Variants in LHX5 observed in about 807,000 individuals in gnomAD.
LHX5 encodes the protein LIM/homeobox protein Lhx5.
LHX5 carries 5 observed loss-of-function variants against 30.6 expected under a neutral mutation model. The observed-to-expected ratio is 0.16, with a 90% CI of 0.09 to 0.34. The LOEUF (loss-of-function observed/expected upper bound fraction) is 0.34. LHX5 is among the 10% of genes least tolerant of loss of function. The pLI is 1.00. For synonymous variants in LHX5, 266 were observed against 252.6 expected, an observed-to-expected ratio of 1.05 and a Z score of -0.50; for missense variants, 458 against 570.6, an observed-to-expected ratio of 0.80 and a Z score of 2.01.
rs1325991462 is a variant in LHX5 at position 113,463,571 on chromosome 12, G to A, written c.842-14C>T. ...CGCCTTGGTAGTCTGCGGAGGGGGA[G>A]CGGGAAGGAGACAGGGCGCGGTGAG... On this transcript the variant is annotated splice_polypyrimidine_tract_variant and intron_variant, in intron 4 of 4. Coordinates refer to ENST00000261731, the MANE Select transcript of LHX5 (RefSeq NM_022363.3). The surrounding 1 kb of genome is among the most constrained non-coding windows in gnomAD (Gnocchi z 6.7). 1 of 1,510,516 alleles carries A rather than the reference G, an allele frequency of 6.6e-7. No homozygotes were observed. Among genetic ancestry groups the A allele is most frequent in the Non-Finnish European group, 8.8e-7 (1 of 1,135,930 alleles). 93.6% of individuals were successfully genotyped at this position (1,510,516 alleles called of 1,614,324 possible). A position where few individuals can be genotyped will look rare whatever the true frequency, so the allele number is the denominator to read the frequency against.
chr12:113,470,154 T>C (rs1037448042), intron 1 of LHX5, among the ~76,000 whole-genome samples: 1 of 151,936 alleles, frequency 6.6e-6, no homozygotes, highest in Non-Finnish European at 1.5e-5. Context: ...TTCTTTGAGC[T>C]CAGGGAGAAA....
At position 113,471,836 on chromosome 12, in the gene LHX5, C is replaced by G. The variant is rs1958255465; in HGVS notation, c.-338G>C. The stretch of plus-strand genomic sequence containing the variant: ...GGTGGCGGAGGCGCCGGCACTTTCC[C>G]CCACTTTCAAGCGGTCCGGATCCTC... On this transcript the variant is annotated 5_prime_UTR_variant, in exon 1 of 5. Coordinates refer to ENST00000261731, the MANE Select transcript of LHX5 (RefSeq NM_022363.3). 1 of 324,816 alleles carries G rather than the reference C, an allele frequency of 3.1e-6. No homozygotes were observed. The highest frequency in any genetic ancestry group is 7.0e-5 in the South Asian group (1 of 14,306). 20.1% of individuals were successfully genotyped at this position (324,816 alleles called of 1,614,324 possible). A position where few individuals can be genotyped will look rare whatever the true frequency, so the allele number is the denominator to read the frequency against.
Position 113,469,368 on chromosome 12 carries a change from A to T in LHX5, c.174-23T>A, listed in dbSNP as rs1469662200. On this transcript the variant is annotated intron_variant, in intron 1 of 4. Coordinates refer to ENST00000261731, the MANE Select transcript of LHX5 (RefSeq NM_022363.3). ...CGCCTGTGGACACAATGTGCCTGTC[A>T]CTATGGGGTGGGACTGCATCCAGCC... 10 of 1,602,324 alleles carry T rather than the reference A, an allele frequency of 6.2e-6. No homozygotes were observed. In the African/African-American group the frequency reaches 1.3e-4, roughly 21 times the overall value.
chr12:113,464,561 A>C lies in LHX5; in HGVS notation c.842-1004T>G, dbSNP rs1375668182. Among the ~76,000 whole-genome samples the C allele has an allele frequency of 1.3e-5, 2 of 152,118 alleles. No homozygotes were observed. Among genetic ancestry groups the C allele is most frequent in the Non-Finnish European group, 2.9e-5 (2 of 68,012 alleles). On this transcript the variant is annotated intron_variant, in intron 4 of 4. Coordinates refer to ENST00000261731, the MANE Select transcript of LHX5 (RefSeq NM_022363.3). The surrounding 1 kb of genome is among the most constrained non-coding windows in gnomAD (Gnocchi z 6.2). The stretch of plus-strand genomic sequence containing the variant: ...GCCTAGCCTAGCCTGAGAAAGAGAA[A>C]ACTGAGCTCCAGCGACTTGGGAGAG...
rs893384835 is a variant in LHX5 at position 113,463,385 on chromosome 12, G to C, written c.1014C>G (p.Asn338Lys). The C allele has an allele frequency of 6.4e-7, 1 of 1,554,666 alleles. No individual in the cohort carries two copies. The highest frequency in any genetic ancestry group is 8.7e-7 in the Non-Finnish European group (1 of 1,151,332). ...GCGAGATCATGTCGGTGAACCTGGG[G>C]TTGTCCGCGGCGTGCGGGCCGGCGA... ...PPLAGPHAAD[N>K]PRFTDMISHP... is the part of the protein sequence containing the mutation. Residue 338 changes from asparagine to lysine, a missense_variant, in exon 5 of 5, where the codon AAC becomes AAG. Physicochemically the swap from Asn to Lys is moderately conservative, Grantham distance 94. Around this residue, in one of 3 missense-constraint regions of LHX5, gnomAD observed 255 missense variants for 246.8 expected, o/e 1.03. Transcript: ENST00000261731. The surrounding 1 kb of genome is among the most constrained non-coding windows in gnomAD (Gnocchi z 6.7).
chr12:113,463,346 C>T lies in LHX5; in HGVS notation c.1053G>A (p.Pro351=), dbSNP rs936265250. ...FTDMISHPDT[P]SPEPGLPGTL... is the part of the protein sequence containing the mutation. Reference sequence around the variant, plus strand: ...TGCCCGGCAGGCCTGGCTCGGGGCTCGGTGTGTCCGGGTGCGAGATCATGT... The same window carrying T: ...TGCCCGGCAGGCCTGGCTCGGGGCTTGGTGTGTCCGGGTGCGAGATCATGT... The change falls in exon 5 of 5, where the codon CCG becomes CCA. Residue 351 remains proline, a synonymous_variant. Transcript: ENST00000261731. The surrounding 1 kb of genome is among the most constrained non-coding windows in gnomAD (Gnocchi z 6.7). The T allele has an allele frequency of 3.9e-6, 6 of 1,545,418 alleles. No homozygotes were observed. In the East Asian group the frequency reaches 7.5e-5, roughly 19 times the overall value.
chr12:113,463,217 G>C lies in LHX5; in HGVS notation c.1182C>G (p.Pro394=), dbSNP rs1347658734. The C allele has an allele frequency of 2.0e-6, 3 of 1,522,676 alleles. No homozygotes were observed. The highest frequency in any genetic ancestry group is 2.6e-6 in the Non-Finnish European group (3 of 1,140,654). 94.3% of individuals were successfully genotyped at this position (1,522,676 alleles called of 1,614,324 possible). A position where few individuals can be genotyped will look rare whatever the true frequency, so the allele number is the denominator to read the frequency against. The change falls in exon 5 of 5, where the codon CCC becomes CCG. Residue 394 remains proline, a synonymous_variant. Transcript: ENST00000261731. This position sits in a 1 kb window ranked among gnomAD's most constrained non-coding sequence, Gnocchi z 6.7. ...GYSGPLSHPN[P]ELNEAAVW is the part of the protein sequence containing the mutation. ...ACCACACGGCGGCTTCGTTGAGCTC[G>C]GGGTTGGGATGCGACAGGGGTCCGC...
chr12:113,467,995 T>C lies in LHX5; in HGVS notation c.675+132A>G. 7.8e-7 allele frequency: 1 copy of C among 1,286,254 alleles called. No homozygotes were observed. Among genetic ancestry groups the C allele is most frequent in the Non-Finnish European group, 1.0e-6 (1 of 965,050 alleles). 79.7% of individuals were successfully genotyped at this position (1,286,254 alleles called of 1,614,324 possible). ...CCCCGACCTCGGGCAAGTGCCCCACTCGGGCGCACGGTCTGCTCCCAGACC... is the reference window on the plus strand; with the variant it reads ...CCCCGACCTCGGGCAAGTGCCCCACCCGGGCGCACGGTCTGCTCCCAGACC... On this transcript the variant is annotated intron_variant, in intron 3 of 4. Coordinates refer to ENST00000261731, the MANE Select transcript of LHX5 (RefSeq NM_022363.3). This position sits in a 1 kb window ranked among gnomAD's most constrained non-coding sequence, Gnocchi z 6.3.
Position 113,468,000 on chromosome 12 carries a change from C to T in LHX5, c.675+127G>A. On this transcript the variant is annotated intron_variant, in intron 3 of 4. Coordinates refer to ENST00000261731, the MANE Select transcript of LHX5 (RefSeq NM_022363.3). This position sits in a 1 kb window ranked among gnomAD's most constrained non-coding sequence, Gnocchi z 6.3. ...ACCTCGGGCAAGTGCCCCACTCGGG[C>T]GCACGGTCTGCTCCCAGACCAGAAC... 7.7e-7 allele frequency: 1 copy of T among 1,306,724 alleles called. No homozygotes were observed. Among genetic ancestry groups the T allele is most frequent in the Non-Finnish European group, 1.0e-6 (1 of 983,556 alleles). The allele number at this position is 1,306,724 out of a possible 1,614,324, so 80.9% of individuals were successfully genotyped here.
rs781131647 is a variant in LHX5 at position 113,468,112 on chromosome 12, C to A, written c.675+15G>T. 7.9e-6 allele frequency: 12 copies of A among 1,527,614 alleles called. No homozygotes were observed. The highest frequency in any genetic ancestry group is 5.0e-5 in the South Asian group (4 of 80,032). The allele number at this position is 1,527,614 out of a possible 1,614,324, so 94.6% of individuals were successfully genotyped here. A position where few individuals can be genotyped will look rare whatever the true frequency, so the allele number is the denominator to read the frequency against. ...GCCAGCGGGGCTAAGGAGCTGTGCCCGCCCCGGGCCGCACCTGGATGACGC... is the reference window on the plus strand; with the variant it reads ...GCCAGCGGGGCTAAGGAGCTGTGCCAGCCCCGGGCCGCACCTGGATGACGC... On this transcript the variant is annotated intron_variant, in intron 3 of 4. Coordinates refer to ENST00000261731, the MANE Select transcript of LHX5 (RefSeq NM_022363.3).
Position 113,467,559 on chromosome 12 carries a change from C to A in LHX5, c.676-138G>T, listed in dbSNP as rs1042406268. ...GGACTCCCCCGAGGCGGGGCCGGGC[C>A]GGATTAGGCCGGGAGGGGTGGAGAG... is the stretch of plus-strand genomic sequence containing the variant. On this transcript the variant is annotated intron_variant, in intron 3 of 4. Transcript: ENST00000261731. The surrounding 1 kb of genome is among the most constrained non-coding windows in gnomAD (Gnocchi z 6.3). The A allele has an allele frequency of 1.2e-6, 1 of 817,508 alleles. No homozygotes were observed. Among genetic ancestry groups the A allele is most frequent in the Non-Finnish European group, 1.8e-6 (1 of 568,346 alleles). The allele number at this position is 817,508 out of a possible 1,614,324, so 50.6% of individuals were successfully genotyped here.
Position 113,471,764 on chromosome 12 carries a change from G to T in LHX5, c.-266C>A. ...CGGCGCCTGTTCCGGGCTTCCCCAG[G>T]TATCTCGGGTGGCTGCTGGCCTCGG... On this transcript the variant is annotated 5_prime_UTR_variant, in exon 1 of 5. Transcript: ENST00000261731. 2.2e-6 allele frequency: 1 copy of T among 452,622 alleles called. No homozygotes were observed. The highest frequency in any genetic ancestry group is 3.7e-5 in the East Asian group (1 of 27,132). The allele number at this position is 452,622 out of a possible 1,614,324, so 28.0% of individuals were successfully genotyped here. A position where few individuals can be genotyped will look rare whatever the true frequency, so the allele number is the denominator to read the frequency against.
At position 113,465,139 on chromosome 12, in the gene LHX5, T is replaced by TG. The variant is rs556956402; in HGVS notation, c.842-1583dup. On this transcript the variant is annotated intron_variant, in intron 4 of 4. Transcript: ENST00000261731. The surrounding 1 kb of genome is among the most constrained non-coding windows in gnomAD (Gnocchi z 6.7). ...CTCCAAACCCTGAAATCTGTCCAAATGGGGGGTGTCTGGAGGCGTGGCTTG... is the reference window on the plus strand; with the variant it reads ...CTCCAAACCCTGAAATCTGTCCAAATGGGGGGGTGTCTGGAGGCGTGGCTTG... Among the ~76,000 whole-genome samples, 776 of 152,250 alleles carry TG rather than the reference T, an allele frequency of 5.1e-3. 4 individuals are homozygous for TG. Among genetic ancestry groups the TG allele is most frequent in the Non-Finnish European group, 8.7e-3 (592 of 67,986 alleles).
At chr12:113,468,018 A>G in intron 3 of LHX5, 109 bp downstream of exon 3, 1 of 1,408,392 alleles carries the variant, frequency 7.1e-7, no homozygotes, top group Non-Finnish European at 9.3e-7. Context: ...CTGCTCCCAG[A>G]CCAGAACCAG....
At position 113,462,104 on chromosome 12, in the gene LHX5, TG is replaced by T. The variant is rs1204782846; in HGVS notation, c.*1085del. On this transcript the variant is annotated 3_prime_UTR_variant, in exon 5 of 5. Coordinates refer to ENST00000261731, the MANE Select transcript of LHX5 (RefSeq NM_022363.3). ...GTTGATTTTTTTTGTTTTTGTTTTT[TG>T]TTTTTTTTAGGTAAACCTCTTTCTG... 1 of 152,218 alleles carries T rather than the reference TG, an allele frequency of 6.6e-6. No homozygotes were observed. The highest frequency in any genetic ancestry group is 2.4e-5 in the African/African-American group (1 of 41,450). The allele number at this position is 152,218 out of a possible 1,614,324, so 9.4% of individuals were successfully genotyped here.
At position 113,463,230 on chromosome 12, in the gene LHX5, G is replaced by A; in HGVS notation, c.1169C>T (p.Ser390Leu). Residue 390 changes from serine to leucine, a missense_variant, in exon 5 of 5, where the codon TCG becomes TTG. Coordinates refer to ENST00000261731, the MANE Select transcript of LHX5 (RefSeq NM_022363.3). The surrounding 1 kb of genome is among the most constrained non-coding windows in gnomAD (Gnocchi z 6.7). ...TTCGTTGAGCTCGGGGTTGGGATGC[G>A]ACAGGGGTCCGCTGTAGCCGCTGGT... ...SGTSGYSGPL[S>L]HPNPELNEAA... 8 of 1,525,854 alleles carry A rather than the reference G, an allele frequency of 5.2e-6. No homozygotes were observed. Among genetic ancestry groups the A allele is most frequent in the Non-Finnish European group, 7.0e-6 (8 of 1,141,656 alleles). 94.5% of individuals were successfully genotyped at this position (1,525,854 alleles called of 1,614,324 possible).
At position 113,466,017 on chromosome 12, in the gene LHX5, G is replaced by A. The variant is rs765838906; in HGVS notation, c.841+1239C>T. Among the ~76,000 whole-genome samples the A allele has an allele frequency of 1.3e-5, 2 of 152,304 alleles. No individual in the cohort carries two copies. The highest frequency in any genetic ancestry group is 1.5e-5 in the Non-Finnish European group (1 of 68,024). ...CTAGGGGCCCCGGTCCGGTCTCAAGGTCTAATCCCCCCTCAGGCTTCCGGA... is the reference window on the plus strand; with the variant it reads ...CTAGGGGCCCCGGTCCGGTCTCAAGATCTAATCCCCCCTCAGGCTTCCGGA... On this transcript the variant is annotated intron_variant, in intron 4 of 4. Coordinates refer to ENST00000261731, the MANE Select transcript of LHX5 (RefSeq NM_022363.3). This position sits in a 1 kb window ranked among gnomAD's most constrained non-coding sequence, Gnocchi z 6.5.
Position 113,471,551 on chromosome 12 carries a change from C to A in LHX5, c.-53G>T, listed in dbSNP as rs978359605. Reference sequence around the variant, plus strand: ...CCTTGCCCTCCCTTTGGGCCCCTGGCCCTCGGGCCTGCCGGGCCCTCCGCT... The same window carrying A: ...CCTTGCCCTCCCTTTGGGCCCCTGGACCTCGGGCCTGCCGGGCCCTCCGCT... On this transcript the variant is annotated 5_prime_UTR_variant, in exon 1 of 5. Transcript: ENST00000261731. 2 of 1,515,734 alleles carry A rather than the reference C, an allele frequency of 1.3e-6. No individual in the cohort carries two copies. Among genetic ancestry groups the A allele is most frequent in the African/African-American group, 1.4e-5 (1 of 71,928 alleles). 93.9% of individuals were successfully genotyped at this position (1,515,734 alleles called of 1,614,324 possible).
chr12:113,463,320 G>A lies in LHX5; in HGVS notation c.1079C>T (p.Thr360Met), dbSNP rs769316071. 2.8e-5 allele frequency: 43 copies of A among 1,537,706 alleles called. No homozygotes were observed. The highest frequency in any genetic ancestry group is 3.6e-5 in the Non-Finnish European group (41 of 1,143,318). ...TACCTCGCCGGGCATGGGGTGCAGC[G>A]TGCCCGGCAGGCCTGGCTCGGGGCT... ...TPSPEPGLPG[T>M]LHPMPGEVFS... Residue 360 changes from threonine to methionine, a missense_variant, in exon 5 of 5, where the codon ACG becomes ATG. Around this residue, in one of 3 missense-constraint regions of LHX5, gnomAD observed 255 missense variants for 246.8 expected, o/e 1.03. Coordinates refer to ENST00000261731, the MANE Select transcript of LHX5 (RefSeq NM_022363.3). This position sits in a 1 kb window ranked among gnomAD's most constrained non-coding sequence, Gnocchi z 6.7.
Sources: gnomAD v4.1 joint callset for allele counts (sites outside exome capture counted in the v4.1 genomes callset) on GRCh38, gnomAD v4.1.1 for gene constraint, gnomAD v4.1.1 regional missense constraint, Gnocchi (gnomAD v3.1) non-coding constraint, MANE v1.5 for transcripts, NCBI Gene and HGNC (gene_info 2026-07-23, HGNC 2026-07-21) for gene names.